Variants in PHF14 observed in about 807,000 individuals in gnomAD.
PHF14 encodes the protein PHD finger protein 14.
PHF14 carries 55 observed loss-of-function variants against 117.9 expected under a neutral mutation model. That is an observed-to-expected ratio of 0.47 (90% confidence interval 0.38 to 0.58). The LOEUF (loss-of-function observed/expected upper bound fraction) is 0.58. PHF14 is among the 20% of genes least tolerant of loss of function. The pLI, the probability that PHF14 is intolerant of heterozygous loss-of-function variation, is 0.00. For missense variants in PHF14, 978 were observed against 1,122.2 expected (o/e 0.87, Z 1.84); for synonymous variants, 409 against 368.6 (o/e 1.11, Z -1.26).
At chr7:11,030,661 A>G (rs1321425696) in intron 7 of PHF14, among the ~76,000 whole-genome samples, 3 of 152,182 alleles carry the variant, frequency 2.0e-5, no homozygotes, top group Non-Finnish European at 4.4e-5. Context: ...AGGGAAACAG[A>G]TACATTAGGA....
intron 16 of PHF14, among the ~76,000 whole-genome samples, chr7:11,093,930 A>AT (rs113692954): frequency 0.012 from 1,876 of 150,942 alleles, 29 homozygotes; most frequent in African/African-American, 0.043. Flanking sequence ...GGAGTAGAGG[A>AT]TTTTTTTTTC....
chr7:11,127,097 T>G (rs1787948590), intron 17 of PHF14, among the ~76,000 whole-genome samples: 1 of 152,058 alleles, frequency 6.6e-6, no homozygotes, highest in African/African-American at 2.4e-5. Context: ...TCCAGTTACC[T>G]TTAGGTATTA....
chr7:11,165,854 A>G (rs1789187407), intron 17 of PHF14, among the ~76,000 whole-genome samples: 1 of 152,208 alleles, frequency 6.6e-6, no homozygotes, highest in African/African-American at 2.4e-5. Context: ...TAGTGATAAG[A>G]TAAACATGGC....
chr7:11,004,265 A>G (rs1182881790), intron 4 of PHF14, among the ~76,000 whole-genome samples: 5 of 149,350 alleles, frequency 3.3e-5, no homozygotes, highest in African/African-American at 9.7e-5. Context: ...AAAAAAAAAA[A>G]AAAAGAAAAG....
At chr7:11,089,108 C>A (rs1000313063) in intron 16 of PHF14, among the ~76,000 whole-genome samples, 26 of 149,836 alleles carry the variant, frequency 1.7e-4, no homozygotes, top group South Asian at 2.1e-4. Flanking sequence ...AAAAAAAAAA[C>A]CGTAGCCCTG....
intron 16 of PHF14, chr7:11,102,709 C>T (rs2128341646): frequency 2.9e-6 from 4 of 1,403,154 alleles, no homozygotes; most frequent in African/African-American, 1.4e-5. Context: ...GTTACTTGGA[C>T]TAACAAGGCA....
chr7:11,121,360 G>C (rs1431592514), intron 17 of PHF14, among the ~76,000 whole-genome samples: 1 of 152,092 alleles, frequency 6.6e-6, no homozygotes, highest in African/African-American at 2.4e-5. Context: ...TTATGCAAAA[G>C]AAAACCTTAC....
chr7:10,990,873 T>G, intron 4 of PHF14, 26 bp downstream of exon 4: 1 of 1,522,378 alleles, frequency 6.6e-7, no homozygotes, highest in Non-Finnish European at 8.9e-7. Context: ...TTTCTCTCTT[T>G]TTAGAAATGG....
intron 16 of PHF14, among the ~76,000 whole-genome samples, chr7:11,072,857 T>C (rs1234522510): frequency 6.6e-6 from 1 of 152,172 alleles, no homozygotes; most frequent in East Asian, 1.9e-4. Flanking sequence ...GTATATCACA[T>C]AGAGTGAACA....
At chr7:10,987,423 AAT>A (rs1021937176) in intron 3 of PHF14, among the ~76,000 whole-genome samples, 1 of 151,530 alleles carries the variant, frequency 6.6e-6, no homozygotes, top group Non-Finnish European at 1.5e-5. Flanking sequence ...TCATATGTGG[AAT>A]ATATATATAT....
chr7:11,047,543 C>G (rs1461005216), intron 13 of PHF14, among the ~76,000 whole-genome samples: 4 of 151,190 alleles, frequency 2.6e-5, no homozygotes, highest in Non-Finnish European at 5.9e-5. Flanking sequence ...TGTCTGTAAT[C>G]CCAGCACTTT....
At position 11,132,136 on chromosome 7, in the gene PHF14, A is replaced by G. The variant is rs1016996060; in HGVS notation, c.2772+20669A>G. Among the ~76,000 whole-genome samples, 5 of 151,804 alleles carry G rather than the reference A, an allele frequency of 3.3e-5. No homozygotes were observed. The East Asian group carries it at 5.8e-4, about 18-fold the overall frequency. On this transcript the variant is annotated intron_variant, in intron 17 of 17. Coordinates refer to ENST00000634607, the MANE Select transcript of PHF14 (RefSeq NM_001007157.2). ...AATAGCTAAAATCTACTCATTTTGC[A>G]TGAATTCCAAATACAGTACAATTGC...
chr7:11,135,545 A>C (rs1238402121), intron 17 of PHF14, among the ~76,000 whole-genome samples: 3 of 152,124 alleles, frequency 2.0e-5, no homozygotes, highest in Non-Finnish European at 4.4e-5. Flanking sequence ...TCTTTATTTT[A>C]AATTTAATTT....
intron 16 of PHF14, chr7:11,110,060 G>C (rs1223957203): frequency 6.6e-6 from 1 of 151,848 alleles, no homozygotes; most frequent in Non-Finnish European, 1.5e-5. Flanking sequence ...GTTTTTGGAA[G>C]ATTGGACTTT....
At chr7:10,979,200 T>G (rs2128307476) in intron 2 of PHF14, among the ~76,000 whole-genome samples, 1 of 152,292 alleles carries the variant, frequency 6.6e-6, no homozygotes, top group East Asian at 1.9e-4. Flanking sequence ...TTTTATTTTA[T>G]TATTTGATAT....
chr7:10,986,384 A>G (rs1782228026), intron 3 of PHF14, among the ~76,000 whole-genome samples: 2 of 152,232 alleles, frequency 1.3e-5, no homozygotes, highest in African/African-American at 4.8e-5. Context: ...GAAGCACACA[A>G]GTTATCAGAT....
chr7:11,122,981 C>T (rs1429255363), intron 17 of PHF14, among the ~76,000 whole-genome samples: 1 of 152,178 alleles, frequency 6.6e-6, no homozygotes, highest in Non-Finnish European at 1.5e-5. Flanking sequence ...TTTCATCCAC[C>T]TTGTTGGTAA....
At position 11,156,722 on chromosome 7, in the gene PHF14, AG is replaced by A. The variant is rs1240826532; in HGVS notation, c.2773-12692del. On this transcript the variant is annotated intron_variant, in intron 17 of 17. Coordinates refer to ENST00000634607, the MANE Select transcript of PHF14 (RefSeq NM_001007157.2). Reference sequence around the variant, plus strand: ...AGGCAGGAGAATCGCTGAATCCAGGAGGCAGAGGTTGCAGTGAGCAGAAGTC... The same window carrying A: ...AGGCAGGAGAATCGCTGAATCCAGGAGCAGAGGTTGCAGTGAGCAGAAGTC... 4.6e-5 allele frequency among the ~76,000 whole-genome samples: 7 copies of A among 152,284 alleles called. No individual in the cohort carries two copies. In the East Asian group the frequency reaches 1.4e-3, roughly 29 times the overall value.
intron 4 of PHF14, among the ~76,000 whole-genome samples, chr7:11,003,937 A>G (rs922265184): frequency 2.0e-5 from 3 of 152,136 alleles, no homozygotes; most frequent in Admixed American, 6.6e-5. Flanking sequence ...GGAAAACATC[A>G]GTAGAAATAA....
Sources: gnomAD v4.1 joint callset for allele counts (sites outside exome capture counted in the v4.1 genomes callset) on GRCh38, gnomAD v4.1.1 for gene constraint, MANE v1.5 for transcripts, NCBI Gene and HGNC (gene_info 2026-07-23, HGNC 2026-07-21) for gene names.